Variants in SPIDR observed in about 807,000 individuals in gnomAD.
SPIDR encodes scaffold protein involved in DNA repair.
A neutral mutation model predicts 104.6 loss-of-function variants in SPIDR; 93 were observed. The ratio of observed to expected loss-of-function variants is 0.89; its 90% CI spans 0.75 to 1.06. SPIDR has a LOEUF of 1.06. Among genes scored for constraint, SPIDR ranks in the 50% least tolerant of loss-of-function variants. SPIDR has a pLI of 0.00. For missense variants in SPIDR, 1,154 were observed against 1,111.2 expected, an observed-to-expected ratio of 1.04 and a Z score of -0.55; for synonymous variants, 431 against 416.9, an observed-to-expected ratio of 1.03 and a Z score of -0.41.
rs531434787 is a variant in SPIDR at position 47,701,987 on chromosome 8, A to G, written c.1949A>G (p.Tyr650Cys). 297 of 1,613,538 alleles carry G rather than the reference A, an allele frequency of 1.8e-4. No homozygotes were observed. Among genetic ancestry groups the G allele is most frequent in the Middle Eastern group, 4.9e-4 (3 of 6,062 alleles). Reference sequence around the variant, plus strand: ...GATCTTGGTACCCGTTGCAGTTTCTATGCCACGGTGATTTACCAAAAACCA... The same window carrying G: ...GATCTTGGTACCCGTTGCAGTTTCTGTGCCACGGTGATTTACCAAAAACCA... ...MNDLGTRCSF[Y>C]ATVIYQKPQL... Residue 650 changes from tyrosine (Y) to cysteine (C), a missense_variant, in exon 14 of 20, where the codon TAT becomes TGT. Physicochemically the swap from Tyr to Cys is radical, Grantham distance 194. Coordinates refer to ENST00000297423, the MANE Select transcript of SPIDR (RefSeq NM_001080394.4).
rs186277097 is a variant in SPIDR, at chr8:47,414,912, T to G, written c.877+6951T>G. Reference sequence around the variant, plus strand: ...CGTTTTTGTTTTGTTTTGTTTTGTTTTTTTTCTTTGAGGCAGAGTCTCGCT... The same window carrying G: ...CGTTTTTGTTTTGTTTTGTTTTGTTGTTTTTCTTTGAGGCAGAGTCTCGCT... On this transcript the variant is annotated intron_variant, in intron 7 of 19. Coordinates refer to ENST00000297423, the MANE Select transcript of SPIDR (RefSeq NM_001080394.4). Among the ~76,000 whole-genome samples, 1,424 of 152,292 alleles carry G rather than the reference T, an allele frequency of 9.4e-3. 11 individuals are homozygous for G. The highest frequency in any genetic ancestry group is 0.037 in the Middle Eastern group (11 of 294).
chr8:47,350,996 G>A (rs1173517041), intron 5 of SPIDR, among the ~76,000 whole-genome samples: 2 of 152,096 alleles, frequency 1.3e-5, no homozygotes, highest in Non-Finnish European at 2.9e-5. Context: ...CCCCTGTTTT[G>A]TCCCACCTGT....
At chr8:47,527,931 G>C (rs1456404881) in intron 8 of SPIDR, 1 of 152,110 alleles carries the variant, frequency 6.6e-6, no homozygotes, top group Non-Finnish European at 1.5e-5. Flanking sequence ...ACTTGGAGAT[G>C]GTGTGTCTTG....
chr8:47,594,042 G>A (rs1306298531), intron 8 of SPIDR, among the ~76,000 whole-genome samples: 1 of 151,832 alleles, frequency 6.6e-6, no homozygotes, highest in African/African-American at 2.4e-5. Flanking sequence ...CACAATGAGG[G>A]GAGTACTCGT....
At chr8:47,543,428 T>C (rs2088634258) in intron 8 of SPIDR, among the ~76,000 whole-genome samples, 1 of 152,190 alleles carries the variant, frequency 6.6e-6, no homozygotes, top group Admixed American at 6.6e-5. Flanking sequence ...TGAAGAATCA[T>C]GAGGTTCAAA....
chr8:47,672,967 G>T (rs965629824), intron 10 of SPIDR, among the ~76,000 whole-genome samples: 1 of 152,172 alleles, frequency 6.6e-6, no homozygotes, highest in Admixed American at 6.5e-5. Flanking sequence ...AGCACTTAAG[G>T]CTCCTGGCTT....
intron 17 of SPIDR, 174 bp from the exon 18 acceptor site, chr8:47,728,759 C>G (rs2084718251): frequency 3.1e-6 from 2 of 651,154 alleles, no homozygotes; most frequent in South Asian, 2.2e-5. Flanking sequence ...ATGTTCATCC[C>G]TTGGACAGGC....
intron 8 of SPIDR, among the ~76,000 whole-genome samples, chr8:47,441,725 G>A (rs905804745): frequency 7.9e-5 from 12 of 152,038 alleles, no homozygotes; most frequent in Admixed American, 1.3e-4. Context: ...TCCTTACTAT[G>A]AGGTGTAAAA....
At chr8:47,639,684 G>A (rs1036906062) in intron 10 of SPIDR, among the ~76,000 whole-genome samples, 30 of 152,042 alleles carry the variant, frequency 2.0e-4, no homozygotes, top group Non-Finnish European at 3.2e-4. Context: ...GCAGTGGCTC[G>A]CGCCTGTTAT....
intron 8 of SPIDR, among the ~76,000 whole-genome samples, chr8:47,575,419 G>A (rs1409590502): frequency 6.6e-5 from 10 of 151,928 alleles, no homozygotes; most frequent in South Asian, 2.1e-4. Flanking sequence ...CGAGGCGGGC[G>A]GATCACGAGG....
Position 47,652,536 on chromosome 8 carries a change from G to C in SPIDR, c.1545-21265G>C, listed in dbSNP as rs757501293. 7.2e-5 allele frequency among the ~76,000 whole-genome samples: 11 copies of C among 152,270 alleles called. No homozygotes were observed. The South Asian group carries it at 8.3e-4, about 11-fold the overall frequency. ...AGAAATAGAGTTGTCTTCTAAAAGT[G>C]GCCATTGTCTGCTGTCTTAAGTACA... On this transcript the variant is annotated intron_variant, in intron 10 of 19. Coordinates refer to ENST00000297423, the MANE Select transcript of SPIDR (RefSeq NM_001080394.4).
intron 5 of SPIDR, among the ~76,000 whole-genome samples, chr8:47,346,347 A>T (rs2052027577): frequency 6.6e-6 from 1 of 152,258 alleles, no homozygotes; most frequent in Non-Finnish European, 1.5e-5. Context: ...ACGTTTTTTC[A>T]TGTGCTGCTG....
intron 8 of SPIDR, among the ~76,000 whole-genome samples, chr8:47,549,310 G>T (rs1304809276): frequency 6.6e-6 from 1 of 152,132 alleles, no homozygotes; most frequent in East Asian, 1.9e-4. Context: ...GGGTCAAATG[G>T]TATTTCTAGT....
chr8:47,427,831 G>A (rs1554686167), intron 7 of SPIDR, among the ~76,000 whole-genome samples: 2 of 152,192 alleles, frequency 1.3e-5, no homozygotes, highest in Non-Finnish European at 2.9e-5. Flanking sequence ...TCTGAGGCTG[G>A]GGGCCCCTGA....
intron 8 of SPIDR, among the ~76,000 whole-genome samples, chr8:47,502,788 C>T (rs1014424692): frequency 1.3e-5 from 2 of 152,168 alleles, no homozygotes; most frequent in Non-Finnish European, 1.5e-5. Context: ...CTATAAATTT[C>T]CCTCTACACA....
intron 8 of SPIDR, among the ~76,000 whole-genome samples, chr8:47,457,059 A>C (rs1305163171): frequency 6.6e-6 from 1 of 152,176 alleles, no homozygotes; most frequent in Admixed American, 6.6e-5. Context: ...TTGTGCCACT[A>C]TAAACATGCA....
intron 5 of SPIDR, among the ~76,000 whole-genome samples, chr8:47,373,568 C>T (rs1271716132): frequency 1.3e-5 from 2 of 151,424 alleles, no homozygotes; most frequent in Non-Finnish European, 1.5e-5. Flanking sequence ...AGTTTTGTTA[C>T]GTAGGTATAA....
intron 8 of SPIDR, among the ~76,000 whole-genome samples, chr8:47,590,709 A>G (rs1268522582): frequency 2.0e-5 from 3 of 152,180 alleles, no homozygotes; most frequent in African/African-American, 7.2e-5. Context: ...TCTTTCTGAT[A>G]TTCTCTCTAG....
chr8:47,590,867 G>A lies in SPIDR; in HGVS notation c.1098-4944G>A, dbSNP rs548873479. ...CATTTAGGATTGCTATGTCTTCATG[G>A]TGGATTGATCTTTGTGTCATTATGT... On this transcript the variant is annotated intron_variant, in intron 8 of 19. Transcript: ENST00000297423. Among the ~76,000 whole-genome samples the A allele has an allele frequency of 3.3e-5, 5 of 152,222 alleles. No homozygotes were observed. In the South Asian group the frequency reaches 1.0e-3, roughly 32 times the overall value.
Sources: gnomAD v4.1 joint callset for allele counts (sites outside exome capture counted in the v4.1 genomes callset) on GRCh38, gnomAD v4.1.1 for gene constraint, MANE v1.5 for transcripts, NCBI Gene and HGNC (gene_info 2026-07-23, HGNC 2026-07-21) for gene names.